TM2D3: variants seen among roughly 807,000 people sequenced by gnomAD.
The protein encoded by TM2D3 is TM2 domain containing 3.
In TM2D3, 33 loss-of-function variants were observed where a neutral mutation model predicts 27.3. The ratio of observed to expected loss-of-function variants is 1.21; its 90% CI spans 0.92 to 1.61. The LOEUF is 1.61. Among genes scored for constraint, TM2D3 ranks in the 40% most tolerant of loss-of-function variants. TM2D3 has a pLI of 0.00. For missense variants in TM2D3, 364 were observed against 320.8 expected (o/e 1.13, Z -1.03); for synonymous variants, 138 against 122.2 (o/e 1.13, Z -0.85).
downstream of TM2D3, among the ~76,000 whole-genome samples, chr15:101,637,599 T>C (rs1369113314): frequency 6.6e-6 from 1 of 152,172 alleles, no homozygotes; most frequent in Non-Finnish European, 1.5e-5. Context: ...CCCAGCCCCT[T>C]AGATAGGAAT....
Position 101,642,258 on chromosome 15 carries a change from AC to A in TM2D3, c.*220del. ...TATAATTCATTCTCCTGGCTTAAGT[AC>A]GTTTTAATTTTTTCACAGAAAAAAA... On this transcript the variant is annotated 3_prime_UTR_variant, in exon 6 of 6. Transcript: ENST00000333202. 8.1e-7 allele frequency: 1 copy of A among 1,229,112 alleles called. No homozygotes were observed. Among genetic ancestry groups the A allele is most frequent in the Non-Finnish European group, 1.0e-6 (1 of 983,678 alleles). 76.1% of individuals were successfully genotyped at this position (1,229,112 alleles called of 1,614,324 possible).
chr15:101,642,639 G>T lies in TM2D3; in HGVS notation c.584C>A (p.Thr195Asn). 1.3e-6 allele frequency: 2 copies of T among 1,597,550 alleles called. No homozygotes were observed. Among genetic ancestry groups the T allele is most frequent in the Non-Finnish European group, 1.7e-6 (2 of 1,170,754 alleles). ...ACGGTCTGCTCCAAACCCACCGAGG[G>T]TGATGCTGCGATGGCAAACAGACAG... ...KWSTALALSI[T>N]LGGFGADRFY... is the part of the protein sequence containing the mutation. Residue 195 changes from threonine to asparagine, a missense_variant, in exon 6 of 6, where the codon ACC (threonine) becomes AAC (asparagine). Coordinates refer to ENST00000333202, the MANE Select transcript of TM2D3 (RefSeq NM_078474.3).
chr15:101,642,246 C>G lies in TM2D3; in HGVS notation c.*233G>C, dbSNP rs1896686533. Reference sequence around the variant, plus strand: ...TTTCAATCACTGTATAATTCATTCTCCTGGCTTAAGTACGTTTTAATTTTT... The same window carrying G: ...TTTCAATCACTGTATAATTCATTCTGCTGGCTTAAGTACGTTTTAATTTTT... On this transcript the variant is annotated 3_prime_UTR_variant, in exon 6 of 6. Coordinates refer to ENST00000333202, the MANE Select transcript of TM2D3 (RefSeq NM_078474.3). 5.0e-6 allele frequency: 6 copies of G among 1,208,454 alleles called. No homozygotes were observed. The highest frequency in any genetic ancestry group is 7.2e-5 in the East Asian group (2 of 27,646). The allele number at this position is 1,208,454 out of a possible 1,614,324, so 74.9% of individuals were successfully genotyped here.
intron 2 of TM2D3, 118 bp from the exon 3 acceptor site, chr15:101,650,279 G>A (rs1896935328): frequency 9.5e-7 from 1 of 1,052,256 alleles, no homozygotes; most frequent in African/African-American, 1.6e-5. Context: ...TGGAAGGGAA[G>A]AAGCATGGGA....
chr15:101,649,359 T>G (rs1896907557), intron 3 of TM2D3, among the ~76,000 whole-genome samples: 1 of 152,184 alleles, frequency 6.6e-6, no homozygotes, highest in South Asian at 2.1e-4. Context: ...AATGTATCAA[T>G]TCTTTATTTT....
intron 5 of TM2D3, among the ~76,000 whole-genome samples, chr15:101,643,625 A>T (rs200791836): frequency 9.8e-4 from 34 of 34,524 alleles, no homozygotes; most frequent in African/African-American, 2.8e-3. Context: ...AAAAAAAAGC[A>T]AAAAAAAAAA....
rs757855190 is a variant in TM2D3 at position 101,646,842 on chromosome 15, A to G, written c.385T>C (p.Trp129Arg). The stretch of plus-strand genomic sequence containing the variant: ...TCGTAATCTGTTTCAGGAAGCTGCC[A>G]GCAAAATCTGCAAGTCATGTTAATG... The part of the protein sequence containing the change: ...FIINMTCRFC[W>R]QLPETDYECT... Residue 129 changes from tryptophan to arginine, a missense_variant, in exon 4 of 6, where the codon TGG (tryptophan) becomes CGG (arginine). Coordinates refer to ENST00000333202, the MANE Select transcript of TM2D3 (RefSeq NM_078474.3). 13 of 1,614,232 alleles carry G rather than the reference A, an allele frequency of 8.1e-6. No individual in the cohort carries two copies. The highest frequency in any genetic ancestry group is 7.6e-6 in the Non-Finnish European group (9 of 1,180,038).
At chr15:101,643,300 T>A (rs1196128037) in intron 5 of TM2D3, among the ~76,000 whole-genome samples, 1 of 152,158 alleles carries the variant, frequency 6.6e-6, no homozygotes, top group East Asian at 1.9e-4. Context: ...ATTACAGTGA[T>A]GATTTTAAAA....
Position 101,642,347 on chromosome 15 carries a change from C to T in TM2D3, c.*132G>A. ...ATAGTTCAGCGTTTCATTTATCTTA[C>T]CTTTATCAAGGCAAACAAAGTACAG... On this transcript the variant is annotated 3_prime_UTR_variant, in exon 6 of 6. Coordinates refer to ENST00000333202, the MANE Select transcript of TM2D3 (RefSeq NM_078474.3). The T allele has an allele frequency of 7.4e-7, 1 of 1,348,666 alleles. No individual in the cohort carries two copies. Among genetic ancestry groups the T allele is most frequent in the Non-Finnish European group, 9.6e-7 (1 of 1,046,680 alleles). 83.5% of individuals were successfully genotyped at this position (1,348,666 alleles called of 1,614,324 possible). A position where few individuals can be genotyped will look rare whatever the true frequency, so the allele number is the denominator to read the frequency against.
downstream of TM2D3, among the ~76,000 whole-genome samples, chr15:101,637,521 G>A (rs1161511675): frequency 6.6e-6 from 1 of 152,192 alleles, no homozygotes; most frequent in African/African-American, 2.4e-5. Context: ...GCCAGAGTCA[G>A]GTTGGAAAGT....
At chr15:101,645,751 A>G (rs1422964044) in intron 4 of TM2D3, 2 of 151,944 alleles carry the variant, frequency 1.3e-5, no homozygotes, top group African/African-American at 4.8e-5. Context: ...AAAAGGACTA[A>G]CTCTAATAAC....
chr15:101,633,344 T>C (rs1323640696), exon 5 of TM2D3: 3 of 271,446 alleles, frequency 1.1e-5, no homozygotes, highest in Admixed American at 5.3e-5. Flanking sequence ...GGGCATCGCT[T>C]AGCTGGATTC....
At chr15:101,650,332 C>T (rs969338716) in intron 2 of TM2D3, 171 bp from the exon 3 acceptor site, 5 of 589,038 alleles carry the variant, frequency 8.5e-6, no homozygotes, top group East Asian at 3.1e-5. Context: ...ATTCTGCCCA[C>T]GGCCAGCTGT....
At chr15:101,645,256 A>G in intron 4 of TM2D3, 94 bp from the exon 5 acceptor site, 2 of 1,047,996 alleles carry the variant, frequency 1.9e-6, no homozygotes, top group Non-Finnish European at 2.8e-6. Flanking sequence ...TAAAATGTGA[A>G]AAGTCAACTC....
chr15:101,640,790 C>T (rs1405100075), downstream of TM2D3, among the ~76,000 whole-genome samples: 1 of 152,212 alleles, frequency 6.6e-6, no homozygotes, highest in African/African-American at 2.4e-5. Flanking sequence ...CCTTCAGGTT[C>T]CAAGGGCTAT....
chr15:101,642,332 G>C lies in TM2D3; in HGVS notation c.*147C>G, dbSNP rs1896688497. On this transcript the variant is annotated 3_prime_UTR_variant, in exon 6 of 6. Transcript: ENST00000333202. Reference sequence around the variant, plus strand: ...AAATTCCAGATTAGCATAGTTCAGCGTTTCATTTATCTTACCTTTATCAAG... The same window carrying C: ...AAATTCCAGATTAGCATAGTTCAGCCTTTCATTTATCTTACCTTTATCAAG... 7.5e-7 allele frequency: 1 copy of C among 1,329,886 alleles called. No individual in the cohort carries two copies. Among genetic ancestry groups the C allele is most frequent in the African/African-American group, 1.5e-5 (1 of 67,030 alleles). 82.4% of individuals were successfully genotyped at this position (1,329,886 alleles called of 1,614,324 possible).
downstream of TM2D3, among the ~76,000 whole-genome samples, chr15:101,639,617 G>A (rs943134901): frequency 6.6e-6 from 1 of 152,098 alleles, no homozygotes; most frequent in African/African-American, 2.4e-5. Flanking sequence ...GTGGCATAGA[G>A]AAGGTATTTT....
At chr15:101,639,716 T>C (rs868295639), downstream of TM2D3, among the ~76,000 whole-genome samples, 5 of 152,266 alleles carry the variant, frequency 3.3e-5, no homozygotes, top group Middle Eastern at 6.8e-3. Context: ...TTTGCAGAAA[T>C]CAGATCAACA....
chr15:101,641,724 G>T, downstream of TM2D3: 1 of 251,958 alleles, frequency 4.0e-6, no homozygotes, highest in Non-Finnish European at 6.3e-6. Context: ...CAATAAACCA[G>T]CCAATTATGA....
Sources: allele counts gnomAD v4.1 joint callset (sites outside exome capture counted in the v4.1 genomes callset), GRCh38; gene constraint gnomAD v4.1.1; transcripts MANE v1.5; gene names NCBI Gene and HGNC (gene_info 2026-07-23, HGNC 2026-07-21).